KIRREL3: variants seen among roughly 807,000 people sequenced by gnomAD.
The protein encoded by KIRREL3 is kin of IRRE-like protein 3.
KIRREL3 carries 36 observed loss-of-function variants against 89.7 expected under a neutral mutation model. The ratio of observed to expected loss-of-function variants is 0.40; its 90% CI spans 0.31 to 0.53. The LOEUF is 0.53. Among genes scored for constraint, KIRREL3 ranks in the 20% least tolerant of loss-of-function variants. KIRREL3 has a pLI of 0.49. For synonymous variants in KIRREL3, 445 were observed against 441.4 expected (o/e 1.01, Z -0.10); for missense variants, 864 against 1,056.6 (o/e 0.82, Z 2.53).
intron 1 of KIRREL3, among the ~76,000 whole-genome samples, chr11:126,986,817 C>G (rs1949880301): frequency 6.6e-6 from 1 of 152,212 alleles, no homozygotes; most frequent in Admixed American, 6.5e-5. Flanking sequence ...CTTAAATTCT[C>G]TGGTTAGAAA....
chr11:126,810,721 C>CT (rs1462359811), intron 1 of KIRREL3, among the ~76,000 whole-genome samples: 1 of 152,114 alleles, frequency 6.6e-6, no homozygotes, highest in Non-Finnish European at 1.5e-5. Flanking sequence ...GCAGAAATGG[C>CT]TTATAAAATG....
chr11:126,465,429 C>A (rs891183468), intron 5 of KIRREL3, among the ~76,000 whole-genome samples: 1 of 152,134 alleles, frequency 6.6e-6, no homozygotes, highest in Non-Finnish European at 1.5e-5. Context: ...GGGTGCTGGA[C>A]GGTGGGTACC....
At chr11:126,823,081 G>A (rs1283447854) in intron 1 of KIRREL3, among the ~76,000 whole-genome samples, 1 of 152,140 alleles carries the variant, frequency 6.6e-6, no homozygotes, top group African/African-American at 2.4e-5. Context: ...CAGGGAGTGA[G>A]AAACAGATGA....
At chr11:126,619,861 C>A (rs950991201) in intron 1 of KIRREL3, among the ~76,000 whole-genome samples, 5 of 152,200 alleles carry the variant, frequency 3.3e-5, no homozygotes, top group African/African-American at 1.2e-4. Context: ...AGTCTTAAGA[C>A]CCCCAATCAA....
rs1937972428 is a variant in KIRREL3, at chr11:126,537,259, A to AC, written c.134-10573dup. ...GCAGCCCAGCTGAAACCCTGCCTGC[A>AC]CCCCTCAACTCTCAGGACATTCTGT... On this transcript the variant is annotated intron_variant, in intron 2 of 16. Transcript: ENST00000525144. This position sits in a 1 kb window ranked among gnomAD's most constrained non-coding sequence, Gnocchi z 4.3. Among the ~76,000 whole-genome samples the AC allele has an allele frequency of 6.6e-6, 1 of 152,032 alleles. No individual in the cohort carries two copies. Among genetic ancestry groups the AC allele is most frequent in the Non-Finnish European group, 1.5e-5 (1 of 68,010 alleles).
intron 1 of KIRREL3, among the ~76,000 whole-genome samples, chr11:126,863,058 G>C (rs1944755078): frequency 6.6e-6 from 1 of 152,242 alleles, no homozygotes; most frequent in Non-Finnish European, 1.5e-5. Context: ...ACCCTTTCCT[G>C]TTCTCTGCCT....
At chr11:126,868,666 T>G (rs1392690437) in intron 1 of KIRREL3, among the ~76,000 whole-genome samples, 2 of 152,308 alleles carry the variant, frequency 1.3e-5, no homozygotes, top group African/African-American at 2.4e-5. Context: ...CGATCATTAT[T>G]TGTTATTGTC....
At position 126,844,517 on chromosome 11, in the gene KIRREL3, G is replaced by T. The variant is rs534923307; in HGVS notation, c.55+155938C>A. Among the ~76,000 whole-genome samples, 1 of 152,264 alleles carries T rather than the reference G, an allele frequency of 6.6e-6. No homozygotes were observed. Among genetic ancestry groups the T allele is most frequent in the East Asian group, 1.9e-4 (1 of 5,172 alleles). ...GATAAAGGATGGGATTGGGTTAGGG[G>T]CCCAACTTAGGGCAGTTGGAGTCTC... On this transcript the variant is annotated intron_variant, in intron 1 of 16. Coordinates refer to ENST00000525144, the MANE Select transcript of KIRREL3 (RefSeq NM_032531.4). The surrounding 1 kb of genome is among the most constrained non-coding windows in gnomAD (Gnocchi z 4.8).
rs1402602344 is a variant in KIRREL3 at position 126,811,253 on chromosome 11, T to A, written c.55+189202A>T. ...TCTGTTTTCCAGGAGGTGTCCCTAG[T>A]ACCCTTCCCACCCGCTTTCATCCTC... On this transcript the variant is annotated intron_variant, in intron 1 of 16. Coordinates refer to ENST00000525144, the MANE Select transcript of KIRREL3 (RefSeq NM_032531.4). This position sits in a 1 kb window ranked among gnomAD's most constrained non-coding sequence, Gnocchi z 4.3. Among the ~76,000 whole-genome samples, 1 of 152,248 alleles carries A rather than the reference T, an allele frequency of 6.6e-6. No homozygotes were observed. Among genetic ancestry groups the A allele is most frequent in the Non-Finnish European group, 1.5e-5 (1 of 68,046 alleles).
chr11:126,803,160 A>T (rs1368460455), intron 1 of KIRREL3, among the ~76,000 whole-genome samples: 2 of 152,176 alleles, frequency 1.3e-5, no homozygotes, highest in Admixed American at 6.5e-5. Flanking sequence ...GATTAAACGC[A>T]ACATATGCTC....
In KIRREL3 at chr11:126,609,020, T is replaced by C. The variant is rs1463602073; in HGVS notation, c.56-46108A>G. 6.6e-6 allele frequency among the ~76,000 whole-genome samples: 1 copy of C among 152,172 alleles called. No individual in the cohort carries two copies. The highest frequency in any genetic ancestry group is 1.9e-4 in the East Asian group (1 of 5,188). ...TATTTGTTGCAGAAGAGAAATGTGATGCAATTAGTATGCTAGGAGAATGGA... is the reference window on the plus strand; with the variant it reads ...TATTTGTTGCAGAAGAGAAATGTGACGCAATTAGTATGCTAGGAGAATGGA... On this transcript the variant is annotated intron_variant, in intron 1 of 16. Coordinates refer to ENST00000525144, the MANE Select transcript of KIRREL3 (RefSeq NM_032531.4). This position sits in a 1 kb window ranked among gnomAD's most constrained non-coding sequence, Gnocchi z 5.0.
At chr11:126,626,172 G>A (rs1180446989) in intron 1 of KIRREL3, among the ~76,000 whole-genome samples, 1 of 152,176 alleles carries the variant, frequency 6.6e-6, no homozygotes, top group Non-Finnish European at 1.5e-5. Flanking sequence ...GGACCCTTGG[G>A]GGCTTGAGAA....
At chr11:126,864,566 T>A (rs1944857796) in intron 1 of KIRREL3, among the ~76,000 whole-genome samples, 1 of 152,156 alleles carries the variant, frequency 6.6e-6, no homozygotes, top group Non-Finnish European at 1.5e-5. Context: ...TCTGAACTGG[T>A]CTTGGGTAGT....
chr11:126,480,804 A>G (rs1351917352), intron 4 of KIRREL3, among the ~76,000 whole-genome samples: 1 of 152,180 alleles, frequency 6.6e-6, no homozygotes, highest in Non-Finnish European at 1.5e-5. Flanking sequence ...GGAACGGACG[A>G]ATGTTGTTTG....
In KIRREL3 at chr11:126,436,845, G is replaced by A; in HGVS notation, c.1518C>T (p.Gly506=). The A allele has an allele frequency of 6.2e-7, 1 of 1,613,728 alleles. No homozygotes were observed. The highest frequency in any genetic ancestry group is 8.5e-7 in the Non-Finnish European group (1 of 1,179,884). Residue 506 remains glycine, a synonymous_variant, in exon 12 of 17, where the codon GGC becomes GGT. Transcript: ENST00000525144. ...IYNCTAWNSF[G]SDTEIIRLKE... ...TGAGCCGGATGATCTCAGTGTCGGA[G>A]CCGAAGCTGTTCCAGGCCGTGCAGT...
rs755891247 is a variant in KIRREL3, at chr11:126,965,883, G to A, written c.55+34572C>T. On this transcript the variant is annotated intron_variant, in intron 1 of 16. Coordinates refer to ENST00000525144, the MANE Select transcript of KIRREL3 (RefSeq NM_032531.4). The surrounding 1 kb of genome is among the most constrained non-coding windows in gnomAD (Gnocchi z 4.4). ...GTCAGCAGCTTTGAGGTTGTGCCAT[G>A]TAATCCACAGGTAGGTACTTGAGTG... Among the ~76,000 whole-genome samples the A allele has an allele frequency of 6.6e-6, 1 of 152,168 alleles. No individual in the cohort carries two copies. The highest frequency in any genetic ancestry group is 6.5e-5 in the Admixed American group (1 of 15,270).
At chr11:126,586,953 G>A (rs1941891828) in intron 1 of KIRREL3, among the ~76,000 whole-genome samples, 1 of 152,164 alleles carries the variant, frequency 6.6e-6, no homozygotes, top group South Asian at 2.1e-4. Context: ...GGCTTGGGAT[G>A]GTGAATTCAG....
At chr11:126,602,626 A>G (rs920962154) in intron 1 of KIRREL3, among the ~76,000 whole-genome samples, 2 of 152,144 alleles carry the variant, frequency 1.3e-5, no homozygotes, top group African/African-American at 4.8e-5. Flanking sequence ...CGTCTGTCAC[A>G]GTCCCATCAC....
rs1330940459 is a variant in KIRREL3 at position 126,683,721 on chromosome 11, AC to A, written c.56-120810del. 1.3e-5 allele frequency among the ~76,000 whole-genome samples: 2 copies of A among 152,162 alleles called. No individual in the cohort carries two copies. Among genetic ancestry groups the A allele is most frequent in the Non-Finnish European group, 2.9e-5 (2 of 68,026 alleles). On this transcript the variant is annotated intron_variant, in intron 1 of 16. Transcript: ENST00000525144. The surrounding 1 kb of genome is among the most constrained non-coding windows in gnomAD (Gnocchi z 5.2). ...AGCTGAAAATCAGTGTGCTGATATCACCCCTTTTGTCTATGAGGAGTGAATG... is the reference window on the plus strand; with the variant it reads ...AGCTGAAAATCAGTGTGCTGATATCACCCTTTTGTCTATGAGGAGTGAATG...
Sources: allele counts gnomAD v4.1 joint callset (sites outside exome capture counted in the v4.1 genomes callset), GRCh38; gene constraint gnomAD v4.1.1; non-coding constraint Gnocchi (gnomAD v3.1); transcripts MANE v1.5; gene names NCBI Gene and HGNC (gene_info 2026-07-23, HGNC 2026-07-21).